KIAA0825: variants seen among roughly 807,000 people sequenced by gnomAD.
KIAA0825 encodes uncharacterized protein KIAA0825.
Under a neutral mutation model 147.6 loss-of-function variants are expected in KIAA0825, and 119 were observed. The ratio of observed to expected loss-of-function variants is 0.81; its 90% CI spans 0.69 to 0.94. KIAA0825 has a LOEUF of 0.94. KIAA0825 is among the 40% of genes least tolerant of loss of function. The pLI, the probability that KIAA0825 is intolerant of heterozygous loss-of-function variation, is 0.00. For missense variants in KIAA0825, 1,381 were observed against 1,472.7 expected (o/e 0.94, Z 1.02); for synonymous variants, 470 against 518.1 (o/e 0.91, Z 1.26).
intron 20 of KIAA0825, among the ~76,000 whole-genome samples, chr5:94,204,804 C>G (rs147884362): frequency 1.5e-4 from 23 of 152,264 alleles, no homozygotes; most frequent in African/African-American, 5.3e-4. Context: ...TCAAAAGTTC[C>G]CCATTCAGGA....
At chr5:94,316,524 C>A (rs1447389462) in intron 20 of KIAA0825, among the ~76,000 whole-genome samples, 5 of 151,664 alleles carry the variant, frequency 3.3e-5, no homozygotes, top group Non-Finnish European at 7.4e-5. Context: ...GACAGTAAAT[C>A]CAAATCTACT....
At chr5:94,433,494 G>T (rs1755964278) in intron 14 of KIAA0825, among the ~76,000 whole-genome samples, 2 of 152,214 alleles carry the variant, frequency 1.3e-5, no homozygotes, top group Admixed American at 1.3e-4. Flanking sequence ...TAGTTCCCAT[G>T]AATTGTGCAA....
Position 94,593,297 on chromosome 5 carries a change from C to A in KIAA0825, c.-152-10714G>T, listed in dbSNP as rs1281813627. 3.8e-6 allele frequency: 3 copies of A among 780,724 alleles called. No individual in the cohort carries two copies. In the African/African-American group the frequency reaches 5.1e-5, roughly 13 times the overall value. The allele number at this position is 780,724 out of a possible 1,614,324, so 48.4% of individuals were successfully genotyped here. On this transcript the variant is annotated intron_variant, in intron 1 of 20. Coordinates refer to ENST00000682413, the MANE Select transcript of KIAA0825 (RefSeq NM_001145678.3). Reference sequence around the variant, plus strand: ...TTTAGTCCATTAATGGGAAAAATAGCTGATATTGTCCATAGGAACTTGGAA... The same window carrying A: ...TTTAGTCCATTAATGGGAAAAATAGATGATATTGTCCATAGGAACTTGGAA...
intron 2 of KIAA0825, among the ~76,000 whole-genome samples, chr5:94,553,794 G>GA (rs924220293): frequency 2.7e-5 from 4 of 149,436 alleles, no homozygotes; most frequent in Non-Finnish European, 4.5e-5. Flanking sequence ...AAAACAAAAA[G>GA]AAAAAAAAAT....
At chr5:94,311,073 G>C (rs1355557711) in intron 20 of KIAA0825, among the ~76,000 whole-genome samples, 1 of 151,586 alleles carries the variant, frequency 6.6e-6, no homozygotes, top group Non-Finnish European at 1.5e-5. Flanking sequence ...GACCTCCAGT[G>C]TGCAATAGGT....
At chr5:94,164,707 C>T (rs374380333) in intron 20 of KIAA0825, among the ~76,000 whole-genome samples, 20 of 152,104 alleles carry the variant, frequency 1.3e-4, no homozygotes, top group East Asian at 5.8e-4. Context: ...CACACGTGCC[C>T]GGCCTTAGTG....
rs1767782455 is a variant in KIAA0825 at position 94,519,571 on chromosome 5, T to C, written c.970+677A>G. On this transcript the variant is annotated intron_variant, in intron 5 of 20. Coordinates refer to ENST00000682413, the MANE Select transcript of KIAA0825 (RefSeq NM_001145678.3). ...CATCTTTTATTTGTATACATCCTTA[T>C]AGAAAAAATAGTAGAGAAACTTTAA... The C allele has an allele frequency of 1.7e-5, 10 of 584,644 alleles. No individual in the cohort carries two copies. In the South Asian group the frequency reaches 5.4e-4, roughly 31 times the overall value. 36.2% of individuals were successfully genotyped at this position (584,644 alleles called of 1,614,324 possible). A position where few individuals can be genotyped will look rare whatever the true frequency, so the allele number is the denominator to read the frequency against.
At chr5:94,423,170 G>GT (rs932297614) in intron 14 of KIAA0825, among the ~76,000 whole-genome samples, 1 of 152,166 alleles carries the variant, frequency 6.6e-6, no homozygotes, top group Non-Finnish European at 1.5e-5. Context: ...GAGTGATTAA[G>GT]TGGGGAGCTG....
At chr5:94,310,949 A>G (rs1779115276) in intron 20 of KIAA0825, among the ~76,000 whole-genome samples, 3 of 151,744 alleles carry the variant, frequency 2.0e-5, no homozygotes, top group Admixed American at 2.0e-4. Flanking sequence ...CAGAAGACAT[A>G]TAACATCCAT....
chr5:94,357,237 A>G (rs928971424), intron 20 of KIAA0825, among the ~76,000 whole-genome samples: 2 of 143,292 alleles, frequency 1.4e-5, no homozygotes, highest in Non-Finnish European at 3.2e-5. Context: ...AACTCAAGCT[A>G]ACACACGTTA....
chr5:94,223,902 A>C (rs112005096), intron 20 of KIAA0825, among the ~76,000 whole-genome samples: 1 of 152,032 alleles, frequency 6.6e-6, no homozygotes, highest in African/African-American at 2.4e-5. Flanking sequence ...CGCAACATCT[A>C]TAAGGTGGCA....
At chr5:94,214,947 T>A (rs577862382) in intron 20 of KIAA0825, among the ~76,000 whole-genome samples, 1 of 152,314 alleles carries the variant, frequency 6.6e-6, no homozygotes, top group African/African-American at 2.4e-5. Context: ...AAATGCAACA[T>A]TTGGTCAAGA....
chr5:94,454,780 G>A (rs189503242), intron 12 of KIAA0825, among the ~76,000 whole-genome samples: 82 of 152,294 alleles, frequency 5.4e-4, no homozygotes, highest in Non-Finnish European at 8.1e-4. Flanking sequence ...GCAGGAGAGA[G>A]GGAGATAATG....
rs1383340780 is a variant in KIAA0825, at chr5:94,154,110, T to G, written c.3725A>C (p.Lys1242Thr). 6.5e-7 allele frequency: 1 copy of G among 1,550,134 alleles called. No homozygotes were observed. Among genetic ancestry groups the G allele is most frequent in the Non-Finnish European group, 8.7e-7 (1 of 1,145,688 alleles). ...VLLKNRWEMK[K>T]DETLEEEEKA... ...TTCTTCCTCTTCTAGTGTTTCATCC[T>G]TCTTCATTTCCCACCTAAAAGAAAA... Residue 1242 changes from lysine to threonine, a missense_variant, in exon 21 of 21, where the codon AAG becomes ACG. By Grantham distance (78) the Lys-to-Thr change is moderately conservative (BLOSUM62 -1). Transcript: ENST00000682413.
Position 94,537,070 on chromosome 5 carries a change from GTT to G in KIAA0825, c.55_56del (p.Asn19LeufsTer9), listed in dbSNP as rs769943992. The G allele has an allele frequency of 6.2e-7, 1 of 1,609,308 alleles. No homozygotes were observed. Among genetic ancestry groups the G allele is most frequent in the Admixed American group, 1.7e-5 (1 of 59,926 alleles). ...HNSFDLHCLL[N>X]SFPGDLEFEQ... ...CAAACTCCAAGTCTCCAGGAAATGAGTTTAACAAACAATGTAGGTCAAAAGAA... is the reference window on the plus strand; with the variant it reads ...CAAACTCCAAGTCTCCAGGAAATGAGTAACAAACAATGTAGGTCAAAAGAA... On this transcript the variant is annotated frameshift_variant, in exon 3 of 21. Coordinates refer to ENST00000682413, the MANE Select transcript of KIAA0825 (RefSeq NM_001145678.3). LOFTEE classifies it high-confidence loss of function.
intron 20 of KIAA0825, among the ~76,000 whole-genome samples, chr5:94,240,612 T>C (rs1243679444): frequency 6.6e-6 from 1 of 152,184 alleles, no homozygotes; most frequent in African/African-American, 2.4e-5. Context: ...CCATCAGTCT[T>C]CTTGTCAAAA....
intron 20 of KIAA0825, among the ~76,000 whole-genome samples, chr5:94,281,968 G>A (rs954360990): frequency 1.2e-4 from 18 of 151,972 alleles, no homozygotes; most frequent in Non-Finnish European, 2.4e-4. Context: ...AAGTCTTCCC[G>A]GATGATCCCA....
intron 5 of KIAA0825, among the ~76,000 whole-genome samples, chr5:94,514,981 G>T (rs999969737): frequency 2.6e-5 from 4 of 152,094 alleles, no homozygotes; most frequent in African/African-American, 9.7e-5. Flanking sequence ...AATATTCAAA[G>T]GTGTTTATCA....
intron 20 of KIAA0825, among the ~76,000 whole-genome samples, chr5:94,174,695 TA>T (rs1364114376): frequency 6.6e-6 from 1 of 151,968 alleles, no homozygotes; most frequent in Non-Finnish European, 1.5e-5. Context: ...CCCTTTTAAA[TA>T]AAAAAAACTC....
Sources: allele counts gnomAD v4.1 joint callset (sites outside exome capture counted in the v4.1 genomes callset), GRCh38; gene constraint gnomAD v4.1.1; transcripts MANE v1.5; gene names NCBI Gene and HGNC (gene_info 2026-07-23, HGNC 2026-07-21).